ADAMTS6: variants seen among roughly 807,000 people sequenced by gnomAD.
ADAMTS6 encodes the protein A disintegrin and metalloproteinase with thrombospondin motifs 6.
A neutral mutation model predicts 144.3 loss-of-function variants in ADAMTS6; 23 were observed. That is an observed-to-expected ratio of 0.16 (90% CI 0.11 to 0.23). The LOEUF (loss-of-function observed/expected upper bound fraction) is 0.23, where lower values mean the gene tolerates loss of function less well. Ranked by LOEUF, ADAMTS6 falls within the 10% of genes least tolerant of loss-of-function variation. The pLI, the probability that ADAMTS6 is intolerant of heterozygous loss-of-function variation, is 1.00. For synonymous variants in ADAMTS6, 444 were observed against 457.5 expected, an observed-to-expected ratio of 0.97 and a Z score of 0.38; for missense variants, 999 against 1,379.6, an observed-to-expected ratio of 0.72 and a Z score of 4.37.
At chr5:65,462,023 C>CA (rs1937137930) in intron 3 of ADAMTS6, among the ~76,000 whole-genome samples, 2 of 152,042 alleles carry the variant, frequency 1.3e-5, no homozygotes, top group South Asian at 4.1e-4. Context: ...GGAATGCAAA[C>CA]AAAAAAAGCA....
intron 7 of ADAMTS6, among the ~76,000 whole-genome samples, chr5:65,435,201 A>G (rs893703273): frequency 4.6e-5 from 7 of 152,170 alleles, no homozygotes; most frequent in Non-Finnish European, 1.0e-4. Context: ...TATTCTATGT[A>G]TTGTTATTCC....
chr5:65,451,979 G>C (rs1758778228), intron 6 of ADAMTS6, among the ~76,000 whole-genome samples, 154 bp downstream of exon 6: 1 of 152,066 alleles, frequency 6.6e-6, no homozygotes, highest in South Asian at 2.1e-4. Flanking sequence ...TTTAAAATTT[G>C]CTTAAGATAT....
At chr5:65,347,016 T>C (rs2150083483) in intron 7 of ADAMTS6, among the ~76,000 whole-genome samples, 1 of 150,034 alleles carries the variant, frequency 6.7e-6, no homozygotes, top group East Asian at 1.9e-4. Flanking sequence ...CACTGAAAAC[T>C]ATACGACATT....
At chr5:65,346,107 T>G (rs939428958) in intron 7 of ADAMTS6, among the ~76,000 whole-genome samples, 1 of 151,912 alleles carries the variant, frequency 6.6e-6, no homozygotes, top group Non-Finnish European at 1.5e-5. Context: ...TCCAAAAGAT[T>G]GAAGAAGAGG....
chr5:65,357,761 T>C (rs1749461524), intron 7 of ADAMTS6, among the ~76,000 whole-genome samples: 1 of 151,776 alleles, frequency 6.6e-6, no homozygotes, highest in Non-Finnish European at 1.5e-5. Context: ...TTCTTAGAGA[T>C]ACATAACCTA....
At chr5:65,306,958 A>G (rs1280469949) in intron 9 of ADAMTS6, among the ~76,000 whole-genome samples, 1 of 152,174 alleles carries the variant, frequency 6.6e-6, no homozygotes, top group East Asian at 1.9e-4. Flanking sequence ...ACAGTAGCAA[A>G]TATCTTTTCC....
chr5:65,274,043 G>A (rs1762260929), intron 11 of ADAMTS6, among the ~76,000 whole-genome samples: 1 of 152,072 alleles, frequency 6.6e-6, no homozygotes, highest in African/African-American at 2.4e-5. Context: ...CTCCATGAAA[G>A]GAAACTTGGT....
chr5:65,329,327 G>T, intron 9 of ADAMTS6, 51 bp downstream of exon 9: 1 of 1,535,808 alleles, frequency 6.5e-7, no homozygotes, highest in Non-Finnish European at 9.0e-7. Flanking sequence ...GTTACAAGTT[G>T]CTCAAGAGCA....
At chr5:65,389,719 CTTAT>C (rs553085105) in intron 7 of ADAMTS6, among the ~76,000 whole-genome samples, 105 of 151,788 alleles carry the variant, frequency 6.9e-4, no homozygotes, top group Admixed American at 1.2e-3. Context: ...TTTGGCTGGG[CTTAT>C]TTGTTTTTTC....
At chr5:65,252,589 C>T (rs1028104158) in intron 14 of ADAMTS6, among the ~76,000 whole-genome samples, 3 of 150,298 alleles carry the variant, frequency 2.0e-5, no homozygotes, top group African/African-American at 7.3e-5. Flanking sequence ...TTTCCTTTTC[C>T]TCTGATCTTC....
At chr5:65,231,573 A>C (rs573677400) in intron 15 of ADAMTS6, among the ~76,000 whole-genome samples, 5 of 152,288 alleles carry the variant, frequency 3.3e-5, no homozygotes, top group African/African-American at 1.2e-4. Context: ...GCATCAAAAC[A>C]TACTGTCTTT....
chr5:65,229,202 G>C (rs1459086185), intron 15 of ADAMTS6, among the ~76,000 whole-genome samples: 1 of 152,218 alleles, frequency 6.6e-6, no homozygotes, highest in East Asian at 1.9e-4. Flanking sequence ...AATTCAGAGA[G>C]GGATACATTC....
chr5:65,302,914 T>TA (rs1315890451), intron 9 of ADAMTS6, among the ~76,000 whole-genome samples: 3 of 151,976 alleles, frequency 2.0e-5, no homozygotes, highest in East Asian at 1.9e-4. Flanking sequence ...CACTCTTTTC[T>TA]AAAAAAAATC....
At chr5:65,230,068 T>C (rs1033428047) in intron 15 of ADAMTS6, among the ~76,000 whole-genome samples, 3 of 151,756 alleles carry the variant, frequency 2.0e-5, no homozygotes, top group Non-Finnish European at 4.4e-5. Context: ...CTCAGCAGAA[T>C]CCCTGCTGGC....
intron 22 of ADAMTS6, among the ~76,000 whole-genome samples, chr5:65,175,487 T>G (rs1300517842): frequency 6.6e-6 from 1 of 152,200 alleles, no homozygotes; most frequent in Non-Finnish European, 1.5e-5. Context: ...CGTAACCCTG[T>G]AACACTCTAA....
intron 7 of ADAMTS6, among the ~76,000 whole-genome samples, chr5:65,409,407 A>G (rs1057235868): frequency 1.3e-5 from 2 of 152,224 alleles, no homozygotes; most frequent in Non-Finnish European, 2.9e-5. Context: ...GAAGAAATCG[A>G]TAAATTCCTG....
At position 65,422,616 on chromosome 5, in the gene ADAMTS6, G is replaced by A. The variant is rs944968733; in HGVS notation, c.1073+28859C>T. On this transcript the variant is annotated intron_variant, in intron 7 of 24. Transcript: ENST00000381055. ...CAGCCTGGTGACAGAGCGAGACTAC[G>A]TCTCAAAAAATAAAAATAAATAAAA... Among the ~76,000 whole-genome samples the A allele has an allele frequency of 4.7e-5, 7 of 150,074 alleles. No individual in the cohort carries two copies. The South Asian group carries it at 8.4e-4, about 18-fold the overall frequency.
intron 12 of ADAMTS6, among the ~76,000 whole-genome samples, chr5:65,267,967 TG>T (rs1761752974): frequency 6.6e-6 from 1 of 152,202 alleles, no homozygotes; most frequent in South Asian, 2.1e-4. Flanking sequence ...AATCAGAAGT[TG>T]TCATCCCATA....
chr5:65,325,842 C>T (rs1480338617), intron 9 of ADAMTS6, among the ~76,000 whole-genome samples: 1 of 152,052 alleles, frequency 6.6e-6, no homozygotes, highest in Non-Finnish European at 1.5e-5. Context: ...TTAAAGTTCA[C>T]TCAATCATGA....
Sources: gnomAD v4.1 joint callset for allele counts (sites outside exome capture counted in the v4.1 genomes callset) on GRCh38, gnomAD v4.1.1 for gene constraint, MANE v1.5 for transcripts, NCBI Gene and HGNC (gene_info 2026-07-23, HGNC 2026-07-21) for gene names.